The following TOR1AIP2 variants were observed in gnomAD, a reference collection of about 807,000 sequenced individuals.
The protein encoded by TOR1AIP2 is torsin-1A-interacting protein 2.
A neutral mutation model predicts 32.6 loss-of-function variants in TOR1AIP2; 20 were observed. The observed-to-expected ratio is 0.61, with a 90% confidence interval of 0.43 to 0.89. The LOEUF (loss-of-function observed/expected upper bound fraction) is 0.89. TOR1AIP2 is among the 40% of genes least tolerant of loss of function. The pLI, the probability that TOR1AIP2 is intolerant of heterozygous loss-of-function variation, is 0.00. For missense variants in TOR1AIP2, 456 were observed against 553.8 expected (o/e 0.82, Z 1.77); for synonymous variants, 214 against 210.8 (o/e 1.02, Z -0.13).
At chr1:179,856,351 A>G (rs1696301137) in intron 3 of TOR1AIP2, among the ~76,000 whole-genome samples, 1 of 152,206 alleles carries the variant, frequency 6.6e-6, no homozygotes, top group African/African-American at 2.4e-5. Context: ...TTGCAGTCCA[A>G]AAGAATCTGC....
chr1:179,859,643 C>A (rs772746555), intron 3 of TOR1AIP2: 168 of 985,244 alleles, frequency 1.7e-4, no homozygotes, highest in Admixed American at 1.3e-3. Flanking sequence ...AAAAGTCATA[C>A]AGCAATTATA....
At chr1:179,859,846 G>A in intron 3 of TOR1AIP2, 11 of 985,188 alleles carry the variant, frequency 1.1e-5, no homozygotes, top group Non-Finnish European at 1.3e-5. Context: ...TTTGTTTTTA[G>A]ATAAAGGGCC....
intron 3 of TOR1AIP2, among the ~76,000 whole-genome samples, chr1:179,853,442 C>A (rs1452441017): frequency 6.6e-6 from 1 of 152,112 alleles, no homozygotes; most frequent in East Asian, 1.9e-4. Context: ...CAAAAGGAAT[C>A]AAAATCAAAG....
chr1:179,851,079 T>A lies in TOR1AIP2; in HGVS notation c.319A>T (p.Asn107Tyr). The A allele has an allele frequency of 6.2e-7, 1 of 1,614,240 alleles. No homozygotes were observed. The highest frequency in any genetic ancestry group is 8.5e-7 in the Non-Finnish European group (1 of 1,180,036). The part of the protein sequence containing the change: ...GGKGHHLPSE[N>Y]LGKEPLDPDP... ...GGATCCAAGGGTTCTTTACCCAGAT[T>A]TTCTGAAGGGAGGTGATGCCCTTTT... The change falls in exon 5 of 7, where the codon AAT becomes TAT. Residue 107 changes from asparagine to tyrosine, a missense_variant. By Grantham distance (143) the Asn-to-Tyr change is moderately radical. Coordinates refer to ENST00000609928, the MANE Select transcript of TOR1AIP2 (RefSeq NM_001199260.2).
chr1:179,845,488 G>A lies in TOR1AIP2; in HGVS notation c.*583C>T, dbSNP rs1695866663. On this transcript the variant is annotated 3_prime_UTR_variant, in exon 7 of 7. Coordinates refer to ENST00000609928, the MANE Select transcript of TOR1AIP2 (RefSeq NM_001199260.2). ...GAAATAAAAGCACAGTGCCTTACAT[G>A]TAGTATTTAGGTAGGTACTTAATGG... 1 of 152,206 alleles carries A rather than the reference G, an allele frequency of 6.6e-6. No homozygotes were observed. The highest frequency in any genetic ancestry group is 1.5e-5 in the Non-Finnish European group (1 of 68,052). 9.4% of individuals were successfully genotyped at this position (152,206 alleles called of 1,614,324 possible). A position where few individuals can be genotyped will look rare whatever the true frequency, so the allele number is the denominator to read the frequency against.
chr1:179,864,754 A>C, intron 3 of TOR1AIP2: 2 of 1,551,658 alleles, frequency 1.3e-6, no homozygotes, highest in Non-Finnish European at 1.7e-6. Flanking sequence ...AAGCCTCTAG[A>C]CTTGACAATT....
chr1:179,867,290 T>C (rs1696820969), intron 2 of TOR1AIP2, among the ~76,000 whole-genome samples: 1 of 152,174 alleles, frequency 6.6e-6, no homozygotes, highest in African/African-American at 2.4e-5. Context: ...GGTAACAATG[T>C]ACGGGTGAGG....
intron 6 of TOR1AIP2, among the ~76,000 whole-genome samples, chr1:179,847,139 G>A (rs1266719777): frequency 6.6e-6 from 1 of 152,220 alleles, no homozygotes; most frequent in Non-Finnish European, 1.5e-5. Context: ...AACTAATGAT[G>A]TAATTTAGAC....
chr1:179,860,536 T>C, intron 3 of TOR1AIP2: 14 of 985,526 alleles, frequency 1.4e-5, no homozygotes, highest in Non-Finnish European at 1.6e-5. Context: ...TTCTAACTTC[T>C]GCTTTTGCTT....
Position 179,847,571 on chromosome 1 carries a change from T to C in TOR1AIP2, c.619A>G (p.Met207Val), listed in dbSNP as rs560798679. 8 of 1,614,152 alleles carry C rather than the reference T, an allele frequency of 5.0e-6. No homozygotes were observed. In the Admixed American group the frequency reaches 8.3e-5, roughly 17 times the overall value. ...EEIKENAQDT[M>V]RQINKKGFWS... ...AAACCCTTTTTATTAATCTGTCTCA[T>C]GGTGTCCTGTGCATTCTCTTTAATT... Residue 207 changes from methionine to valine, a missense_variant, in exon 6 of 7, where the codon ATG becomes GTG. Met to Val is a conservative substitution (Grantham distance 21). Transcript: ENST00000609928.
intron 2 of TOR1AIP2, among the ~76,000 whole-genome samples, chr1:179,876,375 G>T (rs1250950676): frequency 1.3e-5 from 2 of 152,042 alleles, no homozygotes; most frequent in Non-Finnish European, 2.9e-5. Flanking sequence ...TCTACATTAG[G>T]AAAGAAACTA....
At chr1:179,867,176 A>T (rs1442908970) in intron 2 of TOR1AIP2, among the ~76,000 whole-genome samples, 2 of 152,212 alleles carry the variant, frequency 1.3e-5, no homozygotes, top group East Asian at 3.8e-4. Flanking sequence ...GCGAATGAAG[A>T]GGCTCTGATA....
chr1:179,858,315 T>A (rs79229145), intron 3 of TOR1AIP2, among the ~76,000 whole-genome samples: 4,973 of 151,920 alleles, frequency 0.033, 297 homozygotes, highest in African/African-American at 0.11. Flanking sequence ...TATTAACATA[T>A]ATAAATTTAT....
At chr1:179,860,060 C>A in intron 3 of TOR1AIP2, 1 of 871,442 alleles carries the variant, frequency 1.1e-6, no homozygotes, top group Non-Finnish European at 1.4e-6. Context: ...GTTGCTCAGG[C>A]TTGTTTTGAA....
intron 2 of TOR1AIP2, among the ~76,000 whole-genome samples, chr1:179,867,241 T>G (rs764017926): frequency 2.3e-4 from 35 of 152,092 alleles, no homozygotes; most frequent in Non-Finnish European, 4.4e-4. Context: ...GCGGGTGAAA[T>G]AGAGTCAAGT....
At chr1:179,852,463 T>C (rs953407202) in intron 4 of TOR1AIP2, among the ~76,000 whole-genome samples, 169 bp downstream of exon 4, 1 of 152,220 alleles carries the variant, frequency 6.6e-6, no homozygotes, top group African/African-American at 2.4e-5. Context: ...TCTCGCATTA[T>C]AGTAAAATTC....
chr1:179,852,996 GATT>G lies in TOR1AIP2; in HGVS notation c.-146-188_-146-186del, dbSNP rs140105206. On this transcript the variant is annotated intron_variant, in intron 3 of 6. Transcript: ENST00000609928. ...TCCTAGACTACTGAAAAAAGCTCCAGATTATTAATCTTTCATGAATTTCATAAT... is the reference window on the plus strand; with the variant it reads ...TCCTAGACTACTGAAAAAAGCTCCAGATTAATCTTTCATGAATTTCATAAT... Among the ~76,000 whole-genome samples the G allele has an allele frequency of 5.1e-3, 773 of 152,302 alleles. 3 individuals are homozygous for G. The highest frequency in any genetic ancestry group is 7.5e-3 in the Non-Finnish European group (513 of 68,030).
intron 5 of TOR1AIP2, among the ~76,000 whole-genome samples, chr1:179,847,942 A>G (rs1320535591): frequency 6.6e-6 from 1 of 151,110 alleles, no homozygotes; most frequent in African/African-American, 2.4e-5. Flanking sequence ...CTGAGGCAGG[A>G]GAATCGCTTG....
intron 4 of TOR1AIP2, 28 bp downstream of exon 4, chr1:179,852,604 A>G: frequency 1.9e-6 from 3 of 1,613,470 alleles, no homozygotes; most frequent in Non-Finnish European, 2.5e-6. Flanking sequence ...TACAGCAGCA[A>G]CCTCAGTGCC....
Sources: allele counts gnomAD v4.1 joint callset (sites outside exome capture counted in the v4.1 genomes callset), GRCh38; gene constraint gnomAD v4.1.1; transcripts MANE v1.5; gene names NCBI Gene and HGNC (gene_info 2026-07-23, HGNC 2026-07-21).